Variants in FREM3 observed in about 807,000 individuals in gnomAD.
FREM3 encodes FRAS1 related extracellular matrix 3.
FREM3 carries 105 observed loss-of-function variants against 129.1 expected under a neutral mutation model. That is an observed-to-expected ratio of 0.81 (90% CI 0.69 to 0.96). The LOEUF is 0.96. FREM3 is among the 40% of genes least tolerant of loss of function. The probability of loss-of-function intolerance (pLI) is 0.00; values close to 1 mark genes in which losing one functional copy is unlikely to be tolerated. For missense variants in FREM3, 2,593 were observed against 2,666.3 expected, an observed-to-expected ratio of 0.97 and a Z score of 0.61; for synonymous variants, 1,014 against 1,044.9, an observed-to-expected ratio of 0.97 and a Z score of 0.57.
chr4:143,608,242 C>A (rs1738698916), intron 6 of FREM3, among the ~76,000 whole-genome samples: 2 of 152,154 alleles, frequency 1.3e-5, no homozygotes, highest in Admixed American at 1.3e-4. Flanking sequence ...ACGTTAATGA[C>A]CAAAGGACTT....
intron 2 of FREM3, among the ~76,000 whole-genome samples, chr4:143,630,306 C>A (rs116642514): frequency 1.6e-4 from 24 of 152,262 alleles, no homozygotes; most frequent in African/African-American, 5.8e-4. Flanking sequence ...GGCTATATTG[C>A]TGCTTTTGAC....
chr4:143,594,435 A>G (rs1388902976), intron 6 of FREM3, among the ~76,000 whole-genome samples: 8 of 152,144 alleles, frequency 5.3e-5, no homozygotes, highest in Admixed American at 1.3e-4. Flanking sequence ...ACCATATTCT[A>G]TATGCCCTTG....
chr4:143,622,930 C>T (rs1238473216), intron 4 of FREM3, among the ~76,000 whole-genome samples: 1 of 152,164 alleles, frequency 6.6e-6, no homozygotes, highest in Admixed American at 6.5e-5. Context: ...CTTACATTTA[C>T]TTCATAACTG....
In FREM3 at chr4:143,695,885, G is replaced by A. The variant is rs551388613; in HGVS notation, c.4791C>T (p.Thr1597=). The A allele has an allele frequency of 3.8e-5, 58 of 1,537,556 alleles. No homozygotes were observed. In the African/African-American group the frequency reaches 7.7e-4, roughly 20 times the overall value. Residue 1597 remains threonine (T), a synonymous_variant, in exon 1 of 8, where the codon ACC becomes ACT. Coordinates refer to ENST00000329798, the MANE Select transcript of FREM3 (RefSeq NM_001168235.2). ...YNGSRPVTTF[T]KQDLNKNLIS... ...TCAGGTTCTTGTTCAGGTCTTGCTTGGTGAAAGTGGTCACGGGACGGCTAC... is the reference window on the plus strand; with the variant it reads ...TCAGGTTCTTGTTCAGGTCTTGCTTAGTGAAAGTGGTCACGGGACGGCTAC...
chr4:143,587,373 C>T (rs1313297852), intron 6 of FREM3, among the ~76,000 whole-genome samples: 9 of 152,190 alleles, frequency 5.9e-5, no homozygotes, highest in Admixed American at 2.0e-4. Context: ...AATACACTTG[C>T]AATTTGCTCA....
chr4:143,584,780 C>T (rs1738209332), intron 7 of FREM3, among the ~76,000 whole-genome samples: 1 of 152,116 alleles, frequency 6.6e-6, no homozygotes, highest in African/African-American at 2.4e-5. Flanking sequence ...CCAAATGGAC[C>T]TAATAGACAT....
At chr4:143,694,624 T>C (rs1469778367) in intron 1 of FREM3, among the ~76,000 whole-genome samples, 2 of 152,246 alleles carry the variant, frequency 1.3e-5, no homozygotes, top group Non-Finnish European at 2.9e-5. Flanking sequence ...ACTGTTGTGA[T>C]TGCATTCTTT....
intron 2 of FREM3, among the ~76,000 whole-genome samples, chr4:143,651,854 T>G (rs1739516875): frequency 6.6e-6 from 1 of 152,226 alleles, no homozygotes; most frequent in South Asian, 2.1e-4. Flanking sequence ...TATAAAATAA[T>G]CAGTTATGTG....
intron 5 of FREM3, among the ~76,000 whole-genome samples, chr4:143,619,916 C>T (rs1738916881): frequency 6.6e-6 from 1 of 151,964 alleles, no homozygotes; most frequent in South Asian, 2.1e-4. Context: ...GGAAGAAAAG[C>T]TGGAGGAATA....
rs1294302904 is a variant in FREM3 at position 143,699,209 on chromosome 4, C to T, written c.1467G>A (p.Gly489=). 16 of 1,537,172 alleles carry T rather than the reference C, an allele frequency of 1.0e-5. No homozygotes were observed. Among genetic ancestry groups the T allele is most frequent in the Admixed American group, 2.0e-5 (1 of 50,978 alleles). ...GGTCCGCTGGTGTGAAATACTTGCA[C>T]CCAGCAGGTGCCCCAAACACCACCA... ...GQLVVFGAPA[G]CKYFTPADLA... is the part of the protein sequence containing the mutation. Residue 489 remains glycine, a synonymous_variant, in exon 1 of 8, where the codon GGG becomes GGA. Transcript: ENST00000329798. This position sits in a 1 kb window ranked among gnomAD's most constrained non-coding sequence, Gnocchi z 4.2.
chr4:143,596,473 G>A (rs1368070416), intron 6 of FREM3, among the ~76,000 whole-genome samples: 1 of 152,190 alleles, frequency 6.6e-6, no homozygotes, highest in Non-Finnish European at 1.5e-5. Context: ...AGTGTTTGTG[G>A]GTGGGAGTGG....
chr4:143,619,960 G>T (rs1226987819), intron 5 of FREM3, among the ~76,000 whole-genome samples: 3 of 152,144 alleles, frequency 2.0e-5, no homozygotes, highest in African/African-American at 7.2e-5. Flanking sequence ...ACAAGTAGGA[G>T]CACTGATTTT....
intron 2 of FREM3, among the ~76,000 whole-genome samples, chr4:143,673,873 G>C (rs1283392230): frequency 6.6e-6 from 1 of 152,234 alleles, no homozygotes; most frequent in African/African-American, 2.4e-5. Flanking sequence ...GGCTCCATGG[G>C]TGTGGGACCC....
intron 2 of FREM3, among the ~76,000 whole-genome samples, chr4:143,674,723 A>T (rs1740074346): frequency 1.3e-5 from 2 of 152,210 alleles, no homozygotes; most frequent in Admixed American, 1.3e-4. Context: ...GAAAACAAAA[A>T]AAAGCAGGGG....
intron 5 of FREM3, among the ~76,000 whole-genome samples, chr4:143,617,034 G>C (rs1738864136): frequency 6.6e-6 from 1 of 152,126 alleles, no homozygotes. Context: ...TAGGTTCTGT[G>C]GTTTGCTATT....
chr4:143,591,751 G>T (rs141744418), intron 6 of FREM3, among the ~76,000 whole-genome samples: 23,024 of 152,022 alleles, frequency 0.15, 2,952 homozygotes, highest in East Asian at 0.63. Flanking sequence ...AGATGTCTAT[G>T]AGGTCCACTT....
At chr4:143,620,103 CTTA>C (rs1278055914) in intron 5 of FREM3, among the ~76,000 whole-genome samples, 1 of 152,180 alleles carries the variant, frequency 6.6e-6, no homozygotes, top group Non-Finnish European at 1.5e-5. Flanking sequence ...ATGGTCAAGA[CTTA>C]CTAAATAACT....
At chr4:143,634,219 G>T (rs1413230551) in intron 2 of FREM3, among the ~76,000 whole-genome samples, 1 of 152,150 alleles carries the variant, frequency 6.6e-6, no homozygotes, top group Non-Finnish European at 1.5e-5. Context: ...AAGGTTTGGG[G>T]ACAGCCAAAG....
rs1258167743 is a variant in FREM3 at position 143,697,437 on chromosome 4, A to C, written c.3239T>G (p.Val1080Gly). The C allele has an allele frequency of 6.5e-6, 10 of 1,536,998 alleles. No individual in the cohort carries two copies. Among genetic ancestry groups the C allele is most frequent in the Non-Finnish European group, 8.7e-6 (10 of 1,146,814 alleles). ...CAAGGAGTTCTTCTCACCTTCATAG[A>C]CAATGAAGGACTCCCCGACGAAGAC... ...PKVFVGESFI[V>G]YEGEKNSLTL... Residue 1080 changes from valine to glycine, a missense_variant, in exon 1 of 8, where the codon GTC becomes GGC. Physicochemically the swap from Val to Gly is moderately radical, Grantham distance 109 (BLOSUM62 -3). Coordinates refer to ENST00000329798, the MANE Select transcript of FREM3 (RefSeq NM_001168235.2).
Sources: gnomAD v4.1 joint callset for allele counts (sites outside exome capture counted in the v4.1 genomes callset) on GRCh38, gnomAD v4.1.1 for gene constraint, Gnocchi (gnomAD v3.1) non-coding constraint, MANE v1.5 for transcripts, NCBI Gene and HGNC (gene_info 2026-07-23, HGNC 2026-07-21) for gene names.